POLD1: variants seen among roughly 807,000 people sequenced by gnomAD.
POLD1 encodes the protein DNA polymerase delta catalytic subunit.
Under a neutral mutation model 129.7 loss-of-function variants are expected in POLD1, and 79 were observed. The ratio of observed to expected loss-of-function variants is 0.61; its 90% CI spans 0.51 to 0.73. The LOEUF (loss-of-function observed/expected upper bound fraction) is 0.73, where lower values mean the gene tolerates loss of function less well. Ranked by LOEUF, POLD1 falls within the 30% of genes least tolerant of loss-of-function variation. The probability of loss-of-function intolerance (pLI) is 0.00; values close to 1 mark genes in which losing one functional copy is unlikely to be tolerated. For synonymous variants in POLD1, 714 were observed against 683.3 expected (o/e 1.04, Z -0.70); for missense variants, 1,338 against 1,595.8 (o/e 0.84, Z 2.75).
In POLD1 at chr19:50,417,837, C is replaced by T. The variant is rs748304578; in HGVS notation, c.3219-5C>T. On this transcript the variant is annotated splice_polypyrimidine_tract_variant and splice_region_variant and intron_variant, in intron 26 of 26. Coordinates refer to ENST00000440232, the MANE Select transcript of POLD1 (RefSeq NM_002691.4). ...TCCTGACCCTGCCCCTGCCCCCACC[C>T]GCAGCCGGGACTGCCCCATCTTCTA... The T allele has an allele frequency of 5.1e-5, 81 of 1,586,546 alleles. No individual in the cohort carries two copies. Among genetic ancestry groups the T allele is most frequent in the Non-Finnish European group, 6.4e-5 (75 of 1,164,148 alleles).
At chr19:50,395,222 C>T (rs1027910406) in intron 1 of POLD1, 1 of 145,112 alleles carries the variant, frequency 6.9e-6, no homozygotes, top group Non-Finnish European at 1.5e-5. Context: ...ATAGTGTAGG[C>T]CGGGCGCGGT....
At chr19:50,403,843 C>A (rs996908851) in intron 10 of POLD1, among the ~76,000 whole-genome samples, 3 of 151,610 alleles carry the variant, frequency 2.0e-5, no homozygotes, top group African/African-American at 7.2e-5. Context: ...CATTCAAGGT[C>A]GGCCTGAAGC....
At chr19:50,415,290 ACT>A (rs2039237545) in intron 20 of POLD1, 146 bp from the exon 21 acceptor site, 1 of 786,304 alleles carries the variant, frequency 1.3e-6, no homozygotes, top group Admixed American at 2.8e-5. Flanking sequence ...TGCCTCTGCC[ACT>A]CTGCAGCCTA....
At chr19:50,388,473 A>G (rs2038042675) in intron 1 of POLD1, among the ~76,000 whole-genome samples, 1 of 151,580 alleles carries the variant, frequency 6.6e-6, no homozygotes, top group African/African-American at 2.4e-5. Context: ...AGACGTCTAC[A>G]TACTCCCTGC....
At position 50,385,387 on chromosome 19, in the gene POLD1, GT is replaced by G. The variant is rs3219293; in HGVS notation, c.-2+999del. Among the ~76,000 whole-genome samples, 335 of 152,290 alleles carry G rather than the reference GT, an allele frequency of 2.2e-3. 2 individuals carry two copies. The highest frequency in any genetic ancestry group is 3.9e-3 in the Non-Finnish European group (263 of 68,010). The stretch of plus-strand genomic sequence containing the variant: ...ATGGGGAAGGCTAAGGGAGAAGCAG[GT>G]TGGGGTTGCCGCTCTGAAGGCAAAG... On this transcript the variant is annotated intron_variant, in intron 1 of 26. Transcript: ENST00000440232.
chr19:50,407,564 T>G (rs2038942352), intron 14 of POLD1, 149 bp downstream of exon 14: 5 of 393,304 alleles, frequency 1.3e-5, no homozygotes, highest in Non-Finnish European at 4.4e-6. Flanking sequence ...TTTATTTTTA[T>G]TTTTATTTTT....
At chr19:50,404,411 C>T (rs751429622) in intron 10 of POLD1, among the ~76,000 whole-genome samples, 7 of 140,836 alleles carry the variant, frequency 5.0e-5, no homozygotes, top group Non-Finnish European at 9.2e-5. Flanking sequence ...TACAGGCGCC[C>T]GCCACCACGC....
intron 1 of POLD1, among the ~76,000 whole-genome samples, chr19:50,398,244 G>A (rs1461882116): frequency 3.3e-5 from 5 of 152,122 alleles, no homozygotes; most frequent in Non-Finnish European, 7.4e-5. Flanking sequence ...GTTGGTAGGC[G>A]AGGTATCGGA....
chr19:50,393,661 G>A (rs529287951), intron 1 of POLD1, among the ~76,000 whole-genome samples: 3 of 152,322 alleles, frequency 2.0e-5, no homozygotes, highest in South Asian at 4.1e-4. Flanking sequence ...GTGAGATCCT[G>A]TCTCAATAAA....
intron 14 of POLD1, 48 bp from the exon 15 acceptor site, chr19:50,408,737 A>T (rs2122364189): frequency 6.2e-7 from 1 of 1,602,336 alleles, no homozygotes. Context: ...CGGGGGCGGC[A>T]TGGGAACTCC....
At position 50,406,390 on chromosome 19, in the gene POLD1, C is replaced by G. The variant is rs770762282; in HGVS notation, c.1384-17C>G. The G allele has an allele frequency of 6.2e-6, 10 of 1,605,706 alleles. No homozygotes were observed. The highest frequency in any genetic ancestry group is 2.7e-5 in the African/African-American group (2 of 74,728). On this transcript the variant is annotated splice_polypyrimidine_tract_variant and intron_variant, in intron 11 of 26. Coordinates refer to ENST00000440232, the MANE Select transcript of POLD1 (RefSeq NM_002691.4). This position sits in a 1 kb window ranked among gnomAD's most constrained non-coding sequence, Gnocchi z 5.5. ...ACTGCCCAGGCCCGCAGCCCACCAG[C>G]CCACCCACCCACCTAGGTGCTGCTG...
intron 1 of POLD1, among the ~76,000 whole-genome samples, chr19:50,389,199 C>T (rs1327715106): frequency 6.6e-6 from 1 of 151,192 alleles, no homozygotes; most frequent in Non-Finnish European, 1.5e-5. Flanking sequence ...GTGGTCACAG[C>T]TCACTGCAGC....
intron 10 of POLD1, among the ~76,000 whole-genome samples, chr19:50,404,196 G>A (rs549943176): frequency 5.8e-4 from 89 of 152,190 alleles, no homozygotes; most frequent in African/African-American, 2.1e-3. Context: ...GCTTGCAGAC[G>A]GCCATCATCC....
At chr19:50,414,647 CCA>C (rs2122461720) in intron 19 of POLD1, among the ~76,000 whole-genome samples, 166 bp from the exon 20 acceptor site, 1 of 152,220 alleles carries the variant, frequency 6.6e-6, no homozygotes, top group East Asian at 1.9e-4. Context: ...GCCTCAGGAG[CCA>C]CTTCCAGCCA....
At chr19:50,400,520 C>CTGT (rs1568616865) in intron 3 of POLD1, among the ~76,000 whole-genome samples, 1 of 123,406 alleles carries the variant, frequency 8.1e-6, no homozygotes, top group African/African-American at 3.6e-5. Flanking sequence ...TGTGCCCCGC[C>CTGT]TATTTTTTTT....
chr19:50,398,388 A>G (rs78865195), intron 1 of POLD1, among the ~76,000 whole-genome samples: 3 of 151,972 alleles, frequency 2.0e-5, no homozygotes, highest in Non-Finnish European at 4.4e-5. Flanking sequence ...CCTGGCCAAC[A>G]TGGCAAAACC....
chr19:50,401,355 T>G (rs1726799), intron 3 of POLD1, among the ~76,000 whole-genome samples: 3,712 of 123,744 alleles, frequency 0.03, 231 homozygotes, highest in African/African-American at 0.12. Context: ...GTGTGTGTAT[T>G]TGTGTATATG....
rs985353537 is a variant in POLD1, at chr19:50,412,463, T to TA, written c.2155-948dup. On this transcript the variant is annotated intron_variant, in intron 17 of 26. Coordinates refer to ENST00000440232, the MANE Select transcript of POLD1 (RefSeq NM_002691.4). ...TCACCACGCTTGGCCTCCTGTCTCTTAAAAAAAAAAAAAAATTGAATCATT... is the reference window on the plus strand; with the variant it reads ...TCACCACGCTTGGCCTCCTGTCTCTTAAAAAAAAAAAAAAAATTGAATCATT... 3.8e-3 allele frequency among the ~76,000 whole-genome samples: 503 copies of TA among 132,932 alleles called. 2 individuals are homozygous for TA. Among genetic ancestry groups the TA allele is most frequent in the Middle Eastern group, 0.011 (3 of 268 alleles). The allele number at this position is 132,932 out of a possible 152,430, so 87.2% of individuals were successfully genotyped here. A position where few individuals can be genotyped will look rare whatever the true frequency, so the allele number is the denominator to read the frequency against.
At chr19:50,385,563 C>T (rs2037941613) in intron 1 of POLD1, among the ~76,000 whole-genome samples, 1 of 141,326 alleles carries the variant, frequency 7.1e-6, no homozygotes, top group Non-Finnish European at 1.5e-5. Flanking sequence ...GAGTCTTGCT[C>T]TGTCACCCAG....
Sources: allele counts gnomAD v4.1 joint callset (sites outside exome capture counted in the v4.1 genomes callset), GRCh38; gene constraint gnomAD v4.1.1; non-coding constraint Gnocchi (gnomAD v3.1); transcripts MANE v1.5; gene names NCBI Gene and HGNC (gene_info 2026-07-23, HGNC 2026-07-21).